Variants in PXT1 observed in about 807,000 individuals in gnomAD.
PXT1 encodes peroxisomal testis enriched protein 1, also known as peroxisomal testis-specific protein 1.
PXT1 carries 11 observed loss-of-function variants against 11.0 expected under a neutral mutation model. That is an observed-to-expected ratio of 1.00 (90% confidence interval 0.63 to 1.66). The LOEUF (loss-of-function observed/expected upper bound fraction) is 1.66. PXT1 is among the 40% of genes most tolerant of loss of function. The pLI is 0.00. For missense variants in PXT1, 141 were observed against 155.5 expected, an observed-to-expected ratio of 0.91 and a Z score of 0.49; for synonymous variants, 43 against 51.4, an observed-to-expected ratio of 0.84 and a Z score of 0.70.
At chr6:36,396,388 C>T (rs62403728) in intron 4 of PXT1, among the ~76,000 whole-genome samples, 5,380 of 152,268 alleles carry the variant, frequency 0.035, 116 homozygotes, top group African/African-American at 0.057. Context: ...CTTGCACCCT[C>T]AGGGGCCCCA....
In PXT1 at chr6:36,398,432, A is replaced by G. The variant is rs529796200; in HGVS notation, c.300+2022T>C. Among the ~76,000 whole-genome samples, 3 of 152,360 alleles carry G rather than the reference A, an allele frequency of 2.0e-5. No individual in the cohort carries two copies. In the South Asian group the frequency reaches 6.2e-4, roughly 32 times the overall value. On this transcript the variant is annotated intron_variant, in intron 4 of 4. Transcript: ENST00000454782. Reference sequence around the variant, plus strand: ...CACAAAAAGTTATATACAAACATTCACAGCATCATTATACATGATAGCCAC... The same window carrying G: ...CACAAAAAGTTATATACAAACATTCGCAGCATCATTATACATGATAGCCAC...
intron 3 of PXT1, among the ~76,000 whole-genome samples, chr6:36,401,045 G>C (rs942802017): frequency 6.6e-6 from 1 of 151,920 alleles, no homozygotes; most frequent in East Asian, 1.9e-4. Context: ...GAATAGATCA[G>C]CTCTCTCCAA....
intron 3 of PXT1, among the ~76,000 whole-genome samples, chr6:36,418,132 G>T (rs982011416): frequency 1.3e-5 from 2 of 151,902 alleles, no homozygotes; most frequent in Non-Finnish European, 2.9e-5. Flanking sequence ...GGAGGCGGAG[G>T]TTGCAGTGAG....
intron 3 of PXT1, among the ~76,000 whole-genome samples, chr6:36,415,491 G>C (rs1054512130): frequency 6.6e-6 from 1 of 152,058 alleles, no homozygotes; most frequent in East Asian, 1.9e-4. Flanking sequence ...AGAATTGCTG[G>C]TATAACCCAG....
intron 3 of PXT1, among the ~76,000 whole-genome samples, chr6:36,416,955 C>G (rs1774457620): frequency 1.3e-5 from 2 of 152,166 alleles, no homozygotes; most frequent in African/African-American, 4.8e-5. Flanking sequence ...CTTCATCCTA[C>G]AAAATGGGAG....
rs1338749880 is a variant in PXT1, at chr6:36,406,594, C to T, written c.170-6010G>A. On this transcript the variant is annotated intron_variant, in intron 3 of 4. Coordinates refer to ENST00000454782, the MANE Select transcript of PXT1 (RefSeq NM_152990.4). The stretch of plus-strand genomic sequence containing the variant: ...TTGGGAGGCTGAGGTGGGTGGATCA[C>T]GAGGTCAGGAGTTCGAGACCAGCCT... Among the ~76,000 whole-genome samples the T allele has an allele frequency of 4.0e-5, 6 of 151,876 alleles. No individual in the cohort carries two copies. In the East Asian group the frequency reaches 7.7e-4, roughly 20 times the overall value.
At chr6:36,414,355 G>A (rs1376068607) in intron 3 of PXT1, among the ~76,000 whole-genome samples, 3 of 152,086 alleles carry the variant, frequency 2.0e-5, no homozygotes, top group African/African-American at 7.2e-5. Flanking sequence ...GTTTGAGGAT[G>A]TAATAATTAC....
intron 2 of PXT1, among the ~76,000 whole-genome samples, chr6:36,428,775 G>T (rs996005854): frequency 1.7e-4 from 26 of 149,228 alleles, no homozygotes; most frequent in African/African-American, 6.4e-4. Flanking sequence ...GGAGTCTCTC[G>T]CTCTATCACC....
chr6:36,415,562 C>A (rs563679074), intron 3 of PXT1, among the ~76,000 whole-genome samples: 1 of 152,054 alleles, frequency 6.6e-6, no homozygotes, highest in Non-Finnish European at 1.5e-5. Flanking sequence ...ATTTTCATGA[C>A]GGTGAGTATG....
rs1582278319 is a variant in PXT1 at position 36,439,447 on chromosome 6, AC to A, written c.-129-562del. 2.0e-5 allele frequency among the ~76,000 whole-genome samples: 3 copies of A among 151,508 alleles called. 1 individual carries two copies. The South Asian group carries it at 6.3e-4, about 32-fold the overall frequency. The stretch of plus-strand genomic sequence containing the variant: ...GCCAACCTGGTGAAACCCCATCTCT[AC>A]TAAAAATAAAAAAAATTAGCTGGGC... On this transcript the variant is annotated intron_variant, in intron 1 of 4. Transcript: ENST00000454782.
chr6:36,441,012 A>T (rs1323502027), intron 1 of PXT1, among the ~76,000 whole-genome samples: 1 of 152,012 alleles, frequency 6.6e-6, no homozygotes, highest in African/African-American at 2.4e-5. Flanking sequence ...CATGCCTGTA[A>T]TCCCCAAACT....
At chr6:36,427,973 G>A (rs979637102) in intron 2 of PXT1, among the ~76,000 whole-genome samples, 1 of 152,180 alleles carries the variant, frequency 6.6e-6, no homozygotes. Context: ...CAGACTGGGG[G>A]ATAGGGAGCT....
intron 2 of PXT1, among the ~76,000 whole-genome samples, chr6:36,428,416 GA>G (rs58930146): frequency 5.9e-5 from 8 of 136,714 alleles, no homozygotes; most frequent in Non-Finnish European, 9.1e-5. Context: ...GAGCGAGACT[GA>G]AAAAAAAGAC....
chr6:36,394,788 G>A (rs1323944568), intron 4 of PXT1, among the ~76,000 whole-genome samples: 1 of 150,978 alleles, frequency 6.6e-6, no homozygotes, highest in African/African-American at 2.4e-5. Context: ...ACAACTCAAT[G>A]GCAAAATAGA....
At chr6:36,429,488 CTTTTTTCT>C (rs1356053897) in intron 2 of PXT1, among the ~76,000 whole-genome samples, 2 of 129,426 alleles carry the variant, frequency 1.5e-5, no homozygotes, top group African/African-American at 3.1e-5. Context: ...CTTCACTTTT[CTTTTTTCT>C]TTTTTTCTTT....
rs1255720756 is a variant in PXT1 at position 36,425,956 on chromosome 6, G to A, written c.127C>T (p.Leu43Phe). 3.9e-6 allele frequency: 6 copies of A among 1,535,808 alleles called. No individual in the cohort carries two copies. The highest frequency in any genetic ancestry group is 1.2e-5 in the South Asian group (1 of 83,618). Residue 43 changes from leucine (L) to phenylalanine (F), a missense_variant, in exon 3 of 5, where the codon CTT (leucine) becomes TTT (phenylalanine). Transcript: ENST00000454782. ...GCTGGAACTGGCTGGGAGCTGACAAGTTGGGTCATGTATGCCTTCTGAAAA... is the reference window on the plus strand; with the variant it reads ...GCTGGAACTGGCTGGGAGCTGACAAATTGGGTCATGTATGCCTTCTGAAAA... ...YSFQKAYMTQ[L>F]VSSQPVPAMS...
intron 2 of PXT1, among the ~76,000 whole-genome samples, chr6:36,433,877 T>G (rs1056498579): frequency 6.9e-6 from 1 of 145,070 alleles, no homozygotes; most frequent in Non-Finnish European, 1.5e-5. Context: ...GAAAGCCAAA[T>G]GCAATTCTGA....
chr6:36,423,550 C>T (rs551588095), intron 3 of PXT1, among the ~76,000 whole-genome samples: 1 of 152,348 alleles, frequency 6.6e-6, no homozygotes, highest in Admixed American at 6.5e-5. Flanking sequence ...GTTAGGGAGG[C>T]CGGGTTCCCG....
intron 2 of PXT1, 30 bp downstream of exon 2, chr6:36,438,737 C>T (rs1470636753): frequency 1.3e-5 from 2 of 152,112 alleles, no homozygotes; most frequent in Non-Finnish European, 2.9e-5. Context: ...AGCGCAACAC[C>T]ATGTTTTAAT....
Sources: allele counts gnomAD v4.1 joint callset (sites outside exome capture counted in the v4.1 genomes callset), GRCh38; gene constraint gnomAD v4.1.1; transcripts MANE v1.5; gene names NCBI Gene and HGNC (gene_info 2026-07-23, HGNC 2026-07-21).